Variants in HTR1F observed in about 807,000 individuals in gnomAD.
HTR1F encodes the protein 5-hydroxytryptamine (serotonin) receptor 1F, G protein-coupled.
In HTR1F, 17 loss-of-function variants were observed where a neutral mutation model predicts 24.0. That is an observed-to-expected ratio of 0.71 (90% CI 0.48 to 1.06). The LOEUF (loss-of-function observed/expected upper bound fraction) is 1.06, where lower values mean the gene tolerates loss of function less well. Ranked by LOEUF, HTR1F falls within the 50% of genes least tolerant of loss-of-function variation. HTR1F has a pLI of 0.00. For missense variants in HTR1F, 391 were observed against 427.8 expected (o/e 0.91, Z 0.76); for synonymous variants, 186 against 156.8 (o/e 1.19, Z -1.39).
chr3:87,921,340 C>A (rs1704008316), intron 2 of HTR1F, among the ~76,000 whole-genome samples: 1 of 151,752 alleles, frequency 6.6e-6, no homozygotes, highest in Non-Finnish European at 1.5e-5. Flanking sequence ...TTGATATTAG[C>A]CACAAAAGCA....
chr3:87,910,894 G>T (rs115965114), intron 2 of HTR1F, among the ~76,000 whole-genome samples: 16,703 of 151,986 alleles, frequency 0.11, 1,130 homozygotes, highest in Non-Finnish European at 0.15. Context: ...ATGAGATTAA[G>T]GCAGAAATCA....
intron 2 of HTR1F, among the ~76,000 whole-genome samples, chr3:87,951,647 A>G (rs116303941): frequency 0.021 from 3,175 of 152,182 alleles, 117 homozygotes; most frequent in African/African-American, 0.072. Context: ...ATGAACCTAC[A>G]TTGACACATC....
intron 2 of HTR1F, among the ~76,000 whole-genome samples, chr3:87,905,847 C>A (rs1703656470): frequency 6.6e-6 from 1 of 151,748 alleles, no homozygotes; most frequent in Non-Finnish European, 1.5e-5. Context: ...AAATGTGGTG[C>A]CTATGAATGA....
chr3:87,969,728 T>C (rs1705246967), intron 2 of HTR1F, among the ~76,000 whole-genome samples: 1 of 152,088 alleles, frequency 6.6e-6, no homozygotes, highest in Admixed American at 6.6e-5. Context: ...GCATGATTGG[T>C]TTTTAAATGT....
chr3:87,828,606 G>T (rs1238869884), intron 2 of HTR1F, among the ~76,000 whole-genome samples: 3 of 152,186 alleles, frequency 2.0e-5, no homozygotes, highest in Non-Finnish European at 4.4e-5. Context: ...ATTAGGCACT[G>T]AGTAGAGTAG....
intron 2 of HTR1F, among the ~76,000 whole-genome samples, chr3:87,886,117 C>T (rs1368322206): frequency 1.3e-5 from 2 of 152,154 alleles, no homozygotes; most frequent in Non-Finnish European, 2.9e-5. Flanking sequence ...CTGAATCTAG[C>T]ATCACATCAA....
chr3:87,808,463 T>C (rs763695490), intron 1 of HTR1F, among the ~76,000 whole-genome samples: 183 of 151,918 alleles, frequency 1.2e-3, no homozygotes, highest in Non-Finnish European at 1.4e-3. Flanking sequence ...AGTTGTAATG[T>C]CTTTTTTTTT....
At chr3:87,983,016 G>T (rs925596448) in intron 2 of HTR1F, among the ~76,000 whole-genome samples, 1 of 152,126 alleles carries the variant, frequency 6.6e-6, no homozygotes, top group Non-Finnish European at 1.5e-5. Flanking sequence ...GGGAGCACGT[G>T]AATATATTTT....
At chr3:87,849,947 G>A (rs1226695850) in intron 2 of HTR1F, among the ~76,000 whole-genome samples, 1 of 151,916 alleles carries the variant, frequency 6.6e-6, no homozygotes, top group Non-Finnish European at 1.5e-5. Flanking sequence ...TCATTAAAAA[G>A]TCAGGAAACA....
At chr3:87,887,057 A>G (rs887941815) in intron 2 of HTR1F, among the ~76,000 whole-genome samples, 3 of 152,130 alleles carry the variant, frequency 2.0e-5, no homozygotes, top group Non-Finnish European at 2.9e-5. Flanking sequence ...GAGGCATCAC[A>G]CTACCTGACT....
At chr3:87,826,996 A>G (rs1704477520) in intron 2 of HTR1F, among the ~76,000 whole-genome samples, 1 of 152,036 alleles carries the variant, frequency 6.6e-6, no homozygotes, top group South Asian at 2.1e-4. Context: ...TTTTTTGTAG[A>G]GACAGGCTTT....
chr3:87,845,103 A>G (rs1200046442), intron 2 of HTR1F, among the ~76,000 whole-genome samples: 1 of 151,800 alleles, frequency 6.6e-6, no homozygotes, highest in Non-Finnish European at 1.5e-5. Context: ...AGAGCTATCT[A>G]TGAGAAACCC....
chr3:87,942,066 C>T (rs1704581810), intron 2 of HTR1F, among the ~76,000 whole-genome samples: 1 of 152,028 alleles, frequency 6.6e-6, no homozygotes, highest in East Asian at 1.9e-4. Context: ...TTTGCTCGTC[C>T]ATATTGTCCT....
At chr3:87,877,112 T>A (rs1475202848) in intron 2 of HTR1F, among the ~76,000 whole-genome samples, 3 of 152,066 alleles carry the variant, frequency 2.0e-5, no homozygotes, top group South Asian at 2.1e-4. Flanking sequence ...AAGAGCAAAC[T>A]GATATAGAAG....
At chr3:87,813,053 G>A (rs1335822804) in intron 1 of HTR1F, among the ~76,000 whole-genome samples, 1 of 152,200 alleles carries the variant, frequency 6.6e-6, no homozygotes, top group Non-Finnish European at 1.5e-5. Flanking sequence ...GGGAAATGTG[G>A]GGTCAGAGCC....
At chr3:87,922,886 G>C (rs772802120) in intron 2 of HTR1F, among the ~76,000 whole-genome samples, 17 of 148,412 alleles carry the variant, frequency 1.1e-4, no homozygotes, top group Non-Finnish European at 1.9e-4. Flanking sequence ...TTTTCTTCTA[G>C]TCATTTCACA....
intron 2 of HTR1F, among the ~76,000 whole-genome samples, chr3:87,855,787 C>T (rs551399888): frequency 6.6e-6 from 1 of 152,110 alleles, no homozygotes; most frequent in African/African-American, 2.4e-5. Flanking sequence ...CTGCTGTGTC[C>T]CTCTCAGGAA....
At chr3:87,940,369 G>T (rs1302994777) in intron 2 of HTR1F, among the ~76,000 whole-genome samples, 1 of 152,096 alleles carries the variant, frequency 6.6e-6, no homozygotes, top group Non-Finnish European at 1.5e-5. Flanking sequence ...GACAAACAGG[G>T]AGCCAAATCA....
intron 2 of HTR1F, among the ~76,000 whole-genome samples, chr3:87,920,030 TA>T (rs1390963557): frequency 1.4e-4 from 3 of 21,492 alleles, no homozygotes; most frequent in Non-Finnish European, 2.7e-4. Flanking sequence ...TATGTAATAT[TA>T]TATATATATA....
Sources: gnomAD v4.1 joint callset for allele counts (sites outside exome capture counted in the v4.1 genomes callset) on GRCh38, gnomAD v4.1.1 for gene constraint, MANE v1.5 for transcripts, NCBI Gene and HGNC (gene_info 2026-07-23, HGNC 2026-07-21) for gene names.